Variants in WWOX observed in about 807,000 individuals in gnomAD.
The protein encoded by WWOX is WW domain-containing oxidoreductase.
In WWOX, 69 loss-of-function variants were observed where a neutral mutation model predicts 46.2. The observed-to-expected ratio is 1.49, with a 90% CI of 1.23 to 1.82. WWOX has a LOEUF of 1.82. WWOX is among the 40% of genes most tolerant of loss of function. WWOX has a pLI of 0.00. For synonymous variants in WWOX, 359 were observed against 202.6 expected (o/e 1.77, Z -6.56); for missense variants, 919 against 542.6 (o/e 1.69, Z -6.89).
At chr16:78,968,629 G>C (rs1325157353) in intron 8 of WWOX, among the ~76,000 whole-genome samples, 1 of 152,200 alleles carries the variant, frequency 6.6e-6, no homozygotes, top group Non-Finnish European at 1.5e-5. Flanking sequence ...TCATGATGGT[G>C]ACAAAAAGCA....
chr16:79,187,071 G>A (rs1475586941), intron 8 of WWOX, among the ~76,000 whole-genome samples: 2 of 152,094 alleles, frequency 1.3e-5, no homozygotes, highest in Admixed American at 1.3e-4. Context: ...TGACTCTTTG[G>A]GTATTGTGTT....
At chr16:78,764,083 G>A (rs7197649) in intron 8 of WWOX, among the ~76,000 whole-genome samples, 30,515 of 151,854 alleles carry the variant, frequency 0.2, 4,759 homozygotes, top group African/African-American at 0.44. Context: ...AAGGGTTGAT[G>A]TGAGTAGGAT....
intron 8 of WWOX, among the ~76,000 whole-genome samples, chr16:79,166,605 G>A (rs1171293456): frequency 6.6e-6 from 1 of 152,112 alleles, no homozygotes; most frequent in Non-Finnish European, 1.5e-5. Flanking sequence ...TATTTTTCGA[G>A]TTGTGCTGGT....
Position 78,157,479 on chromosome 16 carries a change from C to G in WWOX, c.410-6704C>G, listed in dbSNP as rs1279882547. Among the ~76,000 whole-genome samples the G allele has an allele frequency of 2.6e-5, 4 of 152,294 alleles. No individual in the cohort carries two copies. In the East Asian group the frequency reaches 7.7e-4, roughly 29 times the overall value. On this transcript the variant is annotated intron_variant, in intron 4 of 8. Transcript: ENST00000566780. ...CGTCTTGCTTTAAAGGTTGGAGATA[C>G]AGCTTCAAAAACCTTTTACTACCCA...
At chr16:78,669,021 G>A (rs544118073) in intron 8 of WWOX, among the ~76,000 whole-genome samples, 4 of 152,254 alleles carry the variant, frequency 2.6e-5, no homozygotes, top group Non-Finnish European at 5.9e-5. Context: ...CCTTCAGAAC[G>A]GCTTCCTGAA....
intron 5 of WWOX, among the ~76,000 whole-genome samples, chr16:78,305,363 T>C (rs2080114530): frequency 6.6e-6 from 1 of 152,200 alleles, no homozygotes; most frequent in Non-Finnish European, 1.5e-5. Flanking sequence ...TTGCTCACAA[T>C]AGCCAGGAGG....
intron 8 of WWOX, among the ~76,000 whole-genome samples, chr16:78,765,544 T>G (rs1222963274): frequency 6.6e-6 from 1 of 152,048 alleles, no homozygotes. Context: ...CCAGGTGTGA[T>G]AGCGGGCGCC....
intron 8 of WWOX, among the ~76,000 whole-genome samples, chr16:78,537,962 T>G (rs898491660): frequency 2.6e-5 from 4 of 152,094 alleles, no homozygotes; most frequent in Non-Finnish European, 5.9e-5. Flanking sequence ...GGCCTGCTGA[T>G]AATCAGTAAA....
At chr16:78,444,730 C>T (rs545218664) in intron 8 of WWOX, among the ~76,000 whole-genome samples, 37 of 152,098 alleles carry the variant, frequency 2.4e-4, no homozygotes, top group Admixed American at 1.8e-3. Flanking sequence ...CGAGGTTTCA[C>T]GGTGTTAGCC....
At position 78,608,838 on chromosome 16, in the gene WWOX, A is replaced by G. The variant is rs142116721; in HGVS notation, c.1056+176086A>G. Among the ~76,000 whole-genome samples, 782 of 152,264 alleles carry G rather than the reference A, an allele frequency of 5.1e-3. 8 individuals carry two copies. The highest frequency in any genetic ancestry group is 0.018 in the African/African-American group (746 of 41,552). On this transcript the variant is annotated intron_variant, in intron 8 of 8. Coordinates refer to ENST00000566780, the MANE Select transcript of WWOX (RefSeq NM_016373.4). ...TCCCTTTATTTTTTCTAGCCTTTAT[A>G]GAAATGACAAAGGGTCAGGTGGTCT...
intron 8 of WWOX, among the ~76,000 whole-genome samples, chr16:78,438,720 G>A (rs188533563): frequency 9.4e-4 from 143 of 152,218 alleles, no homozygotes; most frequent in East Asian, 4.2e-3. Flanking sequence ...AATGGCTTAC[G>A]TTTATGGAAC....
chr16:78,869,330 A>G (rs1394603193), intron 8 of WWOX, among the ~76,000 whole-genome samples: 1 of 152,164 alleles, frequency 6.6e-6, no homozygotes, highest in African/African-American at 2.4e-5. Context: ...ATCTTCAGTC[A>G]GAAAGTGCCT....
chr16:78,903,705 C>T (rs56041628), intron 8 of WWOX, among the ~76,000 whole-genome samples: 20,111 of 152,120 alleles, frequency 0.13, 1,670 homozygotes, highest in East Asian at 0.23. Context: ...GGACACTTCG[C>T]TCTAGGCACG....
chr16:78,621,590 A>ATTTTTTTTTTTTTTTTTTT (rs1567442936), intron 8 of WWOX, among the ~76,000 whole-genome samples: 1 of 43,000 alleles, frequency 2.3e-5, no homozygotes. Flanking sequence ...TGTTGTTCTA[A>ATTTTTTTTTTTTTTTTTTT]TCTTTTTTTT....
At chr16:78,784,125 C>A (rs374313452) in intron 8 of WWOX, among the ~76,000 whole-genome samples, 1 of 152,102 alleles carries the variant, frequency 6.6e-6, no homozygotes, top group South Asian at 2.1e-4. Context: ...TGCATTTACA[C>A]CAAATTCTTA....
intron 8 of WWOX, among the ~76,000 whole-genome samples, chr16:78,813,085 C>CT (rs552885920): frequency 0.018 from 2,444 of 136,218 alleles, 63 homozygotes; most frequent in African/African-American, 0.051. Context: ...GAGATGTTTT[C>CT]TTTTTTTTTT....
At chr16:79,022,147 A>G (rs374841091) in intron 8 of WWOX, among the ~76,000 whole-genome samples, 15 of 152,220 alleles carry the variant, frequency 9.9e-5, no homozygotes, top group African/African-American at 3.4e-4. Flanking sequence ...GAAAGCACCA[A>G]GCAATTTGCT....
chr16:78,998,017 C>T (rs1367693857), intron 8 of WWOX, among the ~76,000 whole-genome samples: 1 of 152,108 alleles, frequency 6.6e-6, no homozygotes, highest in South Asian at 2.1e-4. Context: ...GCTGGGATTA[C>T]AGGCATGCGC....
At chr16:78,679,219 C>A (rs368572889) in intron 8 of WWOX, among the ~76,000 whole-genome samples, 5 of 152,088 alleles carry the variant, frequency 3.3e-5, no homozygotes, top group East Asian at 1.9e-4. Flanking sequence ...TCCTAGAACC[C>A]GTTTCTTACC....
Sources: allele counts gnomAD v4.1 joint callset (sites outside exome capture counted in the v4.1 genomes callset), GRCh38; gene constraint gnomAD v4.1.1; transcripts MANE v1.5; gene names NCBI Gene and HGNC (gene_info 2026-07-23, HGNC 2026-07-21).